The following CSMD1 variants were observed in gnomAD, a reference collection of about 807,000 sequenced individuals.
The protein encoded by CSMD1 is CUB and Sushi multiple domains 1.
A neutral mutation model predicts 417.5 loss-of-function variants in CSMD1; 213 were observed. The ratio of observed to expected loss-of-function variants is 0.51; its 90% CI spans 0.46 to 0.57. CSMD1 has a LOEUF of 0.57. Among genes scored for constraint, CSMD1 ranks in the 20% least tolerant of loss-of-function variants. CSMD1 has a pLI of 0.00. For synonymous variants in CSMD1, 2,862 were observed against 1,736.8 expected (o/e 1.65, Z -16.11); for missense variants, 6,923 against 4,529.7 (o/e 1.53, Z -15.17).
intron 2 of CSMD1, among the ~76,000 whole-genome samples, chr8:4,448,132 A>G (rs947668140): frequency 1.3e-5 from 2 of 152,184 alleles, no homozygotes; most frequent in Admixed American, 6.5e-5. Flanking sequence ...TCTCACTTTT[A>G]CCAATGTGTA....
chr8:4,834,973 A>AG (rs1800381634), intron 1 of CSMD1, among the ~76,000 whole-genome samples: 1 of 40,226 alleles, frequency 2.5e-5, no homozygotes, highest in Admixed American at 5.1e-4. Flanking sequence ...AAAAAAAAAA[A>AG]AAAAAAAGAA....
chr8:2,982,366 C>T (rs1270006962), intron 54 of CSMD1, among the ~76,000 whole-genome samples: 1 of 151,880 alleles, frequency 6.6e-6, no homozygotes, highest in Non-Finnish European at 1.5e-5. Context: ...AAAAAACAAA[C>T]AAACAAACGA....
intron 1 of CSMD1, among the ~76,000 whole-genome samples, chr8:4,966,227 A>AAAAAAAAAAC (rs1554534348): frequency 6.6e-6 from 1 of 150,662 alleles, no homozygotes; most frequent in South Asian, 2.1e-4. Flanking sequence ...AAAAAAAAAA[A>AAAAAAAAAAC]AATTAGCTGG....
intron 3 of CSMD1, among the ~76,000 whole-genome samples, chr8:4,165,124 G>A (rs1366558819): frequency 1.3e-5 from 2 of 152,150 alleles, no homozygotes; most frequent in Admixed American, 6.6e-5. Context: ...GCTGGTGCAT[G>A]CATGACAGGT....
chr8:4,187,761 A>G (rs1429984476), intron 3 of CSMD1, among the ~76,000 whole-genome samples: 24 of 151,898 alleles, frequency 1.6e-4, no homozygotes, highest in Non-Finnish European at 1.5e-5. Flanking sequence ...AGAGAAATAT[A>G]TTTCACTCTC....
intron 68 of CSMD1, among the ~76,000 whole-genome samples, chr8:2,948,167 C>A (rs941519437): frequency 6.6e-6 from 1 of 151,846 alleles, no homozygotes; most frequent in Non-Finnish European, 1.5e-5. Context: ...TACAAAAATG[C>A]GTTTCCTTTT....
intron 1 of CSMD1, among the ~76,000 whole-genome samples, chr8:4,750,908 T>A (rs1323146264): frequency 6.6e-6 from 1 of 152,208 alleles, no homozygotes; most frequent in Non-Finnish European, 1.5e-5. Context: ...GTCTTACTAA[T>A]TTGGATAGCT....
intron 12 of CSMD1, among the ~76,000 whole-genome samples, chr8:3,426,917 G>A (rs1353052467): frequency 3.9e-5 from 6 of 152,148 alleles, no homozygotes; most frequent in Non-Finnish European, 5.9e-5. Context: ...GTTCAGCTGG[G>A]GAGGCCTCAG....
chr8:3,701,163 C>T lies in CSMD1; in HGVS notation c.1009+7251G>A, dbSNP rs77951657. ...AGATGCCTGTTAGACATCAACGTGACTCCCAAGTAAGCCCGTGGATAGGAA... is the reference window on the plus strand; with the variant it reads ...AGATGCCTGTTAGACATCAACGTGATTCCCAAGTAAGCCCGTGGATAGGAA... On this transcript the variant is annotated intron_variant, in intron 7 of 69. Coordinates refer to ENST00000635120, the MANE Select transcript of CSMD1 (RefSeq NM_033225.6). 1.8e-3 allele frequency among the ~76,000 whole-genome samples: 278 copies of T among 152,138 alleles called. 2 individuals are homozygous for T. The highest frequency in any genetic ancestry group is 6.8e-3 in the Middle Eastern group (2 of 294).
chr8:4,179,125 T>G (rs1454766263), intron 3 of CSMD1, among the ~76,000 whole-genome samples: 1 of 152,080 alleles, frequency 6.6e-6, no homozygotes, highest in Non-Finnish European at 1.5e-5. Flanking sequence ...GCCAAGTCAA[T>G]CCTAAGCCAA....
chr8:4,164,546 A>T (rs1403123042), intron 3 of CSMD1, among the ~76,000 whole-genome samples: 1 of 152,178 alleles, frequency 6.6e-6, no homozygotes, highest in African/African-American at 2.4e-5. Flanking sequence ...AAGCTGTTGT[A>T]TAAGCCACCA....
chr8:3,599,866 G>C (rs909705041), intron 8 of CSMD1, among the ~76,000 whole-genome samples: 2 of 152,198 alleles, frequency 1.3e-5, no homozygotes, highest in Non-Finnish European at 2.9e-5. Flanking sequence ...ACACAAGAAA[G>C]TGTAATGGAG....
chr8:4,639,551 T>C (rs920448314), intron 1 of CSMD1, among the ~76,000 whole-genome samples: 8 of 152,182 alleles, frequency 5.3e-5, no homozygotes, highest in Non-Finnish European at 8.8e-5. Flanking sequence ...CATTTCCCAC[T>C]AATGTGCTTT....
chr8:4,013,908 G>A (rs181306332), intron 4 of CSMD1, among the ~76,000 whole-genome samples: 1 of 152,154 alleles, frequency 6.6e-6, no homozygotes, highest in Admixed American at 6.6e-5. Flanking sequence ...TTGCTATCTG[G>A]CCTTTGACAA....
intron 1 of CSMD1, among the ~76,000 whole-genome samples, chr8:4,825,689 C>T (rs1585165687): frequency 6.7e-6 from 1 of 150,288 alleles, no homozygotes; most frequent in Non-Finnish European, 1.5e-5. Context: ...AAAAGGCAAC[C>T]TACAGAATGG....
chr8:3,931,798 G>A lies in CSMD1; in HGVS notation c.818+66105C>T, dbSNP rs149890894. Among the ~76,000 whole-genome samples the A allele has an allele frequency of 9.7e-4, 144 of 148,432 alleles. 4 individuals carry two copies. Among genetic ancestry groups the A allele is most frequent in the African/African-American group, 3.5e-3 (142 of 40,144 alleles). ...CTAAGACCCCACTAAGGAATATTAA[G>A]TGGGCAATGGGACTTCCTATTCAAG... On this transcript the variant is annotated intron_variant, in intron 5 of 69. Coordinates refer to ENST00000635120, the MANE Select transcript of CSMD1 (RefSeq NM_033225.6).
At chr8:4,115,775 C>T (rs1463546082) in intron 3 of CSMD1, among the ~76,000 whole-genome samples, 1 of 151,680 alleles carries the variant, frequency 6.6e-6, no homozygotes, top group Non-Finnish European at 1.5e-5. Context: ...AGCTATCAAG[C>T]CATGAAAAGT....
At chr8:4,381,505 C>A (rs946088827) in intron 3 of CSMD1, among the ~76,000 whole-genome samples, 2 of 152,070 alleles carry the variant, frequency 1.3e-5, no homozygotes, top group African/African-American at 4.8e-5. Context: ...ATAATTTGGA[C>A]AAAACAAGGT....
intron 29 of CSMD1, among the ~76,000 whole-genome samples, chr8:3,217,770 T>C (rs1172922737): frequency 6.6e-6 from 1 of 152,158 alleles, no homozygotes; most frequent in Non-Finnish European, 1.5e-5. Flanking sequence ...TTCTGATGTT[T>C]GGGAGCAAAG....
Sources: allele counts gnomAD v4.1 joint callset (sites outside exome capture counted in the v4.1 genomes callset), GRCh38; gene constraint gnomAD v4.1.1; transcripts MANE v1.5; gene names NCBI Gene and HGNC (gene_info 2026-07-23, HGNC 2026-07-21).